The following ERCC6 variants were observed in gnomAD, a reference collection of about 807,000 sequenced individuals.
ERCC6 encodes the protein DNA excision repair protein ERCC-6.
ERCC6 carries 116 observed loss-of-function variants against 158.7 expected under a neutral mutation model. The observed-to-expected ratio is 0.73, with a 90% confidence interval of 0.63 to 0.85. ERCC6 has a LOEUF of 0.85. Among genes scored for constraint, ERCC6 ranks in the 40% least tolerant of loss-of-function variants. The probability of loss-of-function intolerance (pLI) is 0.00; values close to 1 mark genes in which losing one functional copy is unlikely to be tolerated. For missense variants in ERCC6, 1,698 were observed against 1,799.4 expected (o/e 0.94, Z 1.02); for synonymous variants, 678 against 659.3 (o/e 1.03, Z -0.43).
rs1293455414 is a variant in ERCC6, at chr10:49,473,600, G to T, written c.2599-13C>A. The T allele has an allele frequency of 6.7e-7, 1 of 1,490,766 alleles. No homozygotes were observed. The highest frequency in any genetic ancestry group is 1.1e-5 in the South Asian group (1 of 88,692). The allele number at this position is 1,490,766 out of a possible 1,614,324, so 92.3% of individuals were successfully genotyped here. A position where few individuals can be genotyped will look rare whatever the true frequency, so the allele number is the denominator to read the frequency against. ...GTATGTCCAGCATCTGTTTGGAGGT[G>T]GGGGATAGGAGTTTGCAAAGCAAAT... is the stretch of plus-strand genomic sequence containing the variant. On this transcript the variant is annotated splice_polypyrimidine_tract_variant and intron_variant, in intron 13 of 20. Transcript: ENST00000355832.
At chr10:49,440,081 C>T in the ERCC6 span, among the ~76,000 whole-genome samples, 2 of 152,184 alleles carry the variant, frequency 1.3e-5, no homozygotes, top group Non-Finnish European at 2.9e-5. Context: ...TTACCCAGTT[C>T]CAAAGTCACT....
At chr10:49,485,065 T>C (rs1414862521) in intron 8 of ERCC6, among the ~76,000 whole-genome samples, 1 of 152,094 alleles carries the variant, frequency 6.6e-6, no homozygotes, top group Non-Finnish European at 1.5e-5. Context: ...ACCCAGACAG[T>C]GGAGTGGTGC....
intron 5 of ERCC6, chr10:49,516,518 A>G: frequency 5.0e-6 from 8 of 1,614,188 alleles, no homozygotes; most frequent in Non-Finnish European, 6.8e-6. Context: ...CCCAAAACAT[A>G]CGCCTTCTAG....
Position 49,505,969 on chromosome 10 carries a change from T to C in ERCC6, c.1441A>G (p.Lys481Glu). ...CTTTCCTCAGAATCGTCCTCCAGCTTCAGACGTTTCTCTTTGTCCTGCAGT... is the reference window on the plus strand; with the variant it reads ...CTTTCCTCAGAATCGTCCTCCAGCTCCAGACGTTTCTCTTTGTCCTGCAGT... Reference protein sequence around the residue: ...LRLQDKEKRLKLEDDSEESDA... With the variant: ...LRLQDKEKRLELEDDSEESDA... The change falls in exon 6 of 21, where the codon AAG becomes GAG. Residue 481 changes from lysine (K) to glutamate (E), a missense_variant. Physicochemically the swap from Lys to Glu is moderately conservative, Grantham distance 56. Coordinates refer to ENST00000355832, the MANE Select transcript of ERCC6 (RefSeq NM_000124.4). 6.2e-7 allele frequency: 1 copy of C among 1,613,462 alleles called. No individual in the cohort carries two copies. The highest frequency in any genetic ancestry group is 8.5e-7 in the Non-Finnish European group (1 of 1,179,528).
Position 49,461,430 on chromosome 10 carries a change from T to C in ERCC6, c.3905A>G (p.Gln1302Arg), listed in dbSNP as rs375878979. 11 of 1,614,060 alleles carry C rather than the reference T, an allele frequency of 6.8e-6. No homozygotes were observed. The South Asian group carries it at 9.9e-5, about 14-fold the overall frequency. Residue 1302 changes from glutamine to arginine, a missense_variant, in exon 19 of 21, where the codon CAG becomes CGG. Physicochemically the swap from Gln to Arg is conservative, Grantham distance 43. Transcript: ENST00000355832. ...DALKALRLSR[Q>R]RCLGAVSGVP... ...ACCAGACACTGCTCCCAGACACCGC[T>C]GACGAGAGAGCCTCAGTGCTTTCAG...
At chr10:49,534,872 C>T (rs1837561060) in intron 1 of ERCC6, among the ~76,000 whole-genome samples, 1 of 152,118 alleles carries the variant, frequency 6.6e-6, no homozygotes, top group Admixed American at 6.5e-5. Flanking sequence ...CAATAAAGCA[C>T]CGGGATACAA....
chr10:49,460,254 T>C (rs973581843), intron 20 of ERCC6, 119 bp downstream of exon 20: 6 of 749,692 alleles, frequency 8.0e-6, no homozygotes, highest in Non-Finnish European at 1.2e-5. Context: ...GCAACACAAA[T>C]ATCAGGTGTC....
the ERCC6 span, among the ~76,000 whole-genome samples, chr10:49,438,931 G>A: frequency 6.6e-6 from 1 of 152,316 alleles, no homozygotes; most frequent in Non-Finnish European, 1.5e-5. Flanking sequence ...AGGTCACGCT[G>A]ATGTAAAAAG....
chr10:49,472,547 C>T, intron 15 of ERCC6, 77 bp from the exon 16 acceptor site: 1 of 1,447,988 alleles, frequency 6.9e-7, no homozygotes, highest in East Asian at 2.3e-5. Flanking sequence ...ACAAAGCTAG[C>T]TGGTCACTAC....
chr10:49,461,411 C>T lies in ERCC6; in HGVS notation c.3924G>A (p.Val1308=), dbSNP rs1850579886. 1 of 1,614,120 alleles carries T rather than the reference C, an allele frequency of 6.2e-7. No homozygotes were observed. Among genetic ancestry groups the T allele is most frequent in the Non-Finnish European group, 8.5e-7 (1 of 1,180,030 alleles). The change falls in exon 19 of 21, where the codon GTG becomes GTA. Residue 1308 remains valine, a synonymous_variant. Transcript: ENST00000355832. ...RLSRQRCLGA[V]SGVPTWTGHR... is the part of the protein sequence containing the mutation. ...GGCCAGTCCAGGTGGGAACACCAGA[C>T]ACTGCTCCCAGACACCGCTGACGAG...
intron 1 of ERCC6, among the ~76,000 whole-genome samples, chr10:49,537,225 T>C (rs1360952958): frequency 1.3e-5 from 2 of 150,800 alleles, no homozygotes; most frequent in East Asian, 3.9e-4. Flanking sequence ...GCGCCTGTAA[T>C]CCCAGCTACT....
chr10:49,459,879 A>G (rs1430944353), intron 20 of ERCC6: 3 of 185,626 alleles, frequency 1.6e-5, no homozygotes, highest in African/African-American at 7.2e-5. Context: ...CTTAATCAGA[A>G]AGACCAGAAA....
chr10:49,472,692 C>G (rs1850802465), intron 15 of ERCC6: 1 of 737,584 alleles, frequency 1.4e-6, no homozygotes, highest in Non-Finnish European at 2.2e-6. Flanking sequence ...TTCTTTTTAC[C>G]CCAACTCTAG....
At chr10:49,500,869 G>T in intron 6 of ERCC6, 173 bp from the exon 7 acceptor site, 1 of 673,920 alleles carries the variant, frequency 1.5e-6, no homozygotes, top group African/African-American at 1.8e-5. Flanking sequence ...ATACATTTTT[G>T]ATCACCTAGG....
At chr10:49,507,873 G>A (rs1047345301) in intron 5 of ERCC6, among the ~76,000 whole-genome samples, 3 of 152,138 alleles carry the variant, frequency 2.0e-5, no homozygotes, top group Non-Finnish European at 4.4e-5. Flanking sequence ...AAGCCAAGAA[G>A]CCCTGGCATA....
chr10:49,435,026 G>T, the ERCC6 span, among the ~76,000 whole-genome samples: 2 of 151,994 alleles, frequency 1.3e-5, no homozygotes, highest in Admixed American at 1.3e-4. Flanking sequence ...AATCAAAAGA[G>T]AACAGTTCTA....
chr10:49,524,029 C>A lies in ERCC6; in HGVS notation c.1397+4G>T, dbSNP rs781424901. 1 of 1,612,740 alleles carries A rather than the reference C, an allele frequency of 6.2e-7. No homozygotes were observed. Among genetic ancestry groups the A allele is most frequent in the African/African-American group, 1.3e-5 (1 of 74,780 alleles). On this transcript the variant is annotated splice_donor_region_variant and intron_variant, in intron 5 of 20. Coordinates refer to ENST00000355832, the MANE Select transcript of ERCC6 (RefSeq NM_000124.4). ...CAATGTATTTATAATCCCCACAGAC[C>A]GACCTTAACCGCTGCTTATAATAAT...
In ERCC6 at chr10:49,472,910, T is replaced by G; in HGVS notation, c.2828A>C (p.Gln943Pro). Residue 943 changes from glutamine (Q) to proline (P), a missense_variant and splice_region_variant, in exon 15 of 21, where the codon CAG (glutamine) becomes CCG (proline). By Grantham distance (76) the Gln-to-Pro change is moderately conservative. Coordinates refer to ENST00000355832, the MANE Select transcript of ERCC6 (RefSeq NM_000124.4). ...TTTAAAAAAAAAATAAAAACAAACC[T>G]GCGTGTCCGTGCTTGGGTTCCAGTC... ...DPDWNPSTDT[Q>P]ARERAWRIGQ... 1 of 1,613,772 alleles carries G rather than the reference T, an allele frequency of 6.2e-7. No individual in the cohort carries two copies. The highest frequency in any genetic ancestry group is 2.2e-5 in the East Asian group (1 of 44,824).
chr10:49,539,461 G>A (rs3763729), upstream of ERCC6: 56 of 152,484 alleles, frequency 3.7e-4, 1 homozygote, highest in East Asian at 0.011. Context: ...GACCTCTCTT[G>A]TTGTCTCCCA....
Sources: allele counts gnomAD v4.1 joint callset (sites outside exome capture counted in the v4.1 genomes callset), GRCh38; gene constraint gnomAD v4.1.1; transcripts MANE v1.5; gene names NCBI Gene and HGNC (gene_info 2026-07-23, HGNC 2026-07-21).